The following DIP2C variants were observed in gnomAD, a reference collection of about 807,000 sequenced individuals.
DIP2C encodes DIP2 acetate--CoA ligase C (putative).
DIP2C carries 33 observed loss-of-function variants against 192.4 expected under a neutral mutation model. The observed-to-expected ratio is 0.17, with a 90% CI of 0.13 to 0.23. The LOEUF (loss-of-function observed/expected upper bound fraction) is 0.23, where lower values mean the gene tolerates loss of function less well. Among genes scored for constraint, DIP2C ranks in the 10% least tolerant of loss-of-function variants. DIP2C has a pLI of 1.00. For missense variants in DIP2C, 1,537 were observed against 2,110.1 expected (o/e 0.73, Z 5.32); for synonymous variants, 979 against 864.1 (o/e 1.13, Z -2.33).
At chr10:442,524 T>G (rs576645111) in intron 3 of DIP2C, among the ~76,000 whole-genome samples, 6 of 152,176 alleles carry the variant, frequency 3.9e-5, no homozygotes, top group African/African-American at 1.4e-4. Context: ...GTTTTGCATA[T>G]TCTCCATTTT....
chr10:299,513 A>G (rs566861262), intron 32 of DIP2C, among the ~76,000 whole-genome samples: 8 of 152,366 alleles, frequency 5.3e-5, no homozygotes, highest in Middle Eastern at 3.4e-3. Context: ...TTCAAAGTGG[A>G]TCAATGACAT....
At chr10:408,804 T>C (rs1564672962) in intron 9 of DIP2C, 122 bp downstream of exon 9, 8 of 853,708 alleles carry the variant, frequency 9.4e-6, no homozygotes, top group Non-Finnish European at 1.1e-5. Context: ...CAGTTAAGAA[T>C]AAAAACTTGC....
chr10:584,505 CAG>C (rs1564231740), intron 1 of DIP2C, among the ~76,000 whole-genome samples: 1 of 138,872 alleles, frequency 7.2e-6, no homozygotes, highest in African/African-American at 2.7e-5. Flanking sequence ...CATCACCTCT[CAG>C]ATAATCTCGG....
intron 1 of DIP2C, among the ~76,000 whole-genome samples, chr10:579,424 ATAGG>A (rs1850427320): frequency 6.6e-6 from 1 of 152,030 alleles, no homozygotes; most frequent in Non-Finnish European, 1.5e-5. Context: ...GCGTATGTAC[ATAGG>A]TACACTATAA....
chr10:489,430 G>T (rs1028198736), intron 1 of DIP2C, among the ~76,000 whole-genome samples: 1 of 152,246 alleles, frequency 6.6e-6, no homozygotes, highest in Non-Finnish European at 1.5e-5. Context: ...GCAGGTGGTG[G>T]GAGGTGAGAG....
intron 1 of DIP2C, among the ~76,000 whole-genome samples, chr10:653,992 C>T (rs1178888736): frequency 2.6e-5 from 4 of 152,162 alleles, no homozygotes; most frequent in Non-Finnish European, 5.9e-5. Context: ...AACAGGAACA[C>T]CACGAATACC....
At position 385,045 on chromosome 10, in the gene DIP2C, G is replaced by A. The variant is rs188251916; in HGVS notation, c.1663-406C>T. On this transcript the variant is annotated intron_variant, in intron 14 of 36. Transcript: ENST00000280886. ...GAGTGCCACGGACACCAGGCTGCAC[G>A]GGCCCTGAGGAGAAGCAGCTCTCAG... Among the ~76,000 whole-genome samples the A allele has an allele frequency of 7.8e-4, 117 of 150,514 alleles. 1 individual carries two copies. In the East Asian group the frequency reaches 9.7e-3, roughly 12 times the overall value.
At chr10:540,918 C>T (rs986503697) in intron 1 of DIP2C, among the ~76,000 whole-genome samples, 3 of 152,126 alleles carry the variant, frequency 2.0e-5, no homozygotes, top group East Asian at 3.9e-4. Context: ...ACACAGCAGC[C>T]GTGATAGGAC....
chr10:408,380 C>T (rs1589724385), intron 9 of DIP2C, among the ~76,000 whole-genome samples: 1 of 152,106 alleles, frequency 6.6e-6, no homozygotes, highest in African/African-American at 2.4e-5. Context: ...AAATATGACA[C>T]CTACAATTTA....
At chr10:282,261 C>G (rs972555988) in intron 35 of DIP2C, 6 of 152,290 alleles carry the variant, frequency 3.9e-5, no homozygotes, top group Non-Finnish European at 7.3e-5. Context: ...TTCCAGGACT[C>G]AGCGGGACGT....
intron 1 of DIP2C, among the ~76,000 whole-genome samples, chr10:593,602 C>T (rs1167396398): frequency 1.3e-5 from 2 of 151,638 alleles, no homozygotes; most frequent in South Asian, 2.1e-4. Context: ...TACTTCCCCC[C>T]AAAAGCTGGG....
chr10:629,359 G>T (rs1854379647), intron 1 of DIP2C, among the ~76,000 whole-genome samples: 1 of 152,150 alleles, frequency 6.6e-6, no homozygotes, highest in Non-Finnish European at 1.5e-5. Context: ...CTCACCCGTG[G>T]TCCTGAGGCA....
At chr10:472,406 T>A in intron 3 of DIP2C, 33 bp downstream of exon 3, 1 of 1,588,388 alleles carries the variant, frequency 6.3e-7, no homozygotes, top group Non-Finnish European at 8.6e-7. Flanking sequence ...AGGTGGCAGA[T>A]GGACGTATTG....
Position 334,530 on chromosome 10 carries a change from ACTC to A in DIP2C, c.3585-4932_3585-4930del, listed in dbSNP as rs147395311. On this transcript the variant is annotated intron_variant, in intron 29 of 36. Coordinates refer to ENST00000280886, the MANE Select transcript of DIP2C (RefSeq NM_014974.3). ...TGCCTAACCAAGATTATGAAAATTT[ACTC>A]CTGTGTTTTCTAAAATTTTTATAAT... 1.4e-3 allele frequency among the ~76,000 whole-genome samples: 211 copies of A among 152,094 alleles called. 1 individual carries two copies. The highest frequency in any genetic ancestry group is 0.014 in the South Asian group (66 of 4,822).
intron 1 of DIP2C, among the ~76,000 whole-genome samples, chr10:543,705 TTCTAAATA>T (rs982304001): frequency 1.7e-4 from 26 of 152,228 alleles, no homozygotes; most frequent in African/African-American, 6.0e-4. Flanking sequence ...CTCTTTCGCA[TTCTAAATA>T]TCAACACCAA....
chr10:306,818 T>C (rs1317881149), intron 32 of DIP2C, among the ~76,000 whole-genome samples: 1 of 152,196 alleles, frequency 6.6e-6, no homozygotes, highest in Non-Finnish European at 1.5e-5. Context: ...CTTCACAGCA[T>C]TCCTTTACTT....
intron 33 of DIP2C, among the ~76,000 whole-genome samples, chr10:286,715 A>C (rs1367856454): frequency 6.6e-6 from 1 of 152,230 alleles, no homozygotes; most frequent in Non-Finnish European, 1.5e-5. Flanking sequence ...ACCTTGAAAA[A>C]TGGGAATTTT....
rs532036313 is a variant in DIP2C at position 636,008 on chromosome 10, C to T, written c.85+53486G>A. 2.8e-4 allele frequency among the ~76,000 whole-genome samples: 43 copies of T among 152,350 alleles called. No individual in the cohort carries two copies. The highest frequency in any genetic ancestry group is 9.4e-4 in the African/African-American group (39 of 41,592). ...CCGTTACCACAGATGCTGAGGCAGG[C>T]AGTGCTCATCTCAAAACTGTACAAG... On this transcript the variant is annotated intron_variant, in intron 1 of 36. Transcript: ENST00000280886. The surrounding 1 kb of genome is among the most constrained non-coding windows in gnomAD (Gnocchi z 4.6).
intron 1 of DIP2C, among the ~76,000 whole-genome samples, chr10:555,193 T>A (rs976717203): frequency 7.0e-5 from 9 of 129,332 alleles, no homozygotes; most frequent in Admixed American, 2.1e-4. Context: ...CAGTATTATT[T>A]TTTTTTTTTC....
Sources: allele counts gnomAD v4.1 joint callset (sites outside exome capture counted in the v4.1 genomes callset), GRCh38; gene constraint gnomAD v4.1.1; non-coding constraint Gnocchi (gnomAD v3.1); transcripts MANE v1.5; gene names NCBI Gene and HGNC (gene_info 2026-07-23, HGNC 2026-07-21).